FAM53B: variants seen among roughly 807,000 people sequenced by gnomAD.
FAM53B encodes the protein protein FAM53B.
In FAM53B, 12 loss-of-function variants were observed where a neutral mutation model predicts 32.7. The observed-to-expected ratio is 0.37, with a 90% CI of 0.24 to 0.59. The LOEUF is 0.59. Ranked by LOEUF, FAM53B falls within the 20% of genes least tolerant of loss-of-function variation. The pLI is 0.72. For synonymous variants in FAM53B, 234 were observed against 228.7 expected (o/e 1.02, Z -0.21); for missense variants, 477 against 577.7 (o/e 0.83, Z 1.79).
intron 1 of FAM53B, among the ~76,000 whole-genome samples, chr10:124,727,788 C>A (rs1054121761): frequency 1.3e-5 from 2 of 152,042 alleles, no homozygotes; most frequent in South Asian, 4.2e-4. Flanking sequence ...CCACCGTGGA[C>A]GGCTCTGGCT....
rs556533825 is a variant in FAM53B, at chr10:124,620,809, T to C, written c.*2433A>G. 6.6e-5 allele frequency: 10 copies of C among 152,524 alleles called. No homozygotes were observed. The highest frequency in any genetic ancestry group is 3.3e-4 in the Admixed American group (5 of 15,310). The allele number at this position is 152,524 out of a possible 1,614,324, so 9.4% of individuals were successfully genotyped here. On this transcript the variant is annotated 3_prime_UTR_variant, in exon 5 of 5. Transcript: ENST00000337318. ...TCTAAGCAGAAGGGATAGCCACCAT[T>C]TTCTCCCCTGACTGCTGCGTGGTGG... is the stretch of plus-strand genomic sequence containing the variant.
At chr10:124,629,959 C>T (rs1407762279) in intron 4 of FAM53B, among the ~76,000 whole-genome samples, 2 of 152,192 alleles carry the variant, frequency 1.3e-5, no homozygotes, top group African/African-American at 4.8e-5. Flanking sequence ...AGAGATGCCT[C>T]GAAGGCTGTG....
At chr10:124,644,826 G>A (rs935841313) in intron 4 of FAM53B, among the ~76,000 whole-genome samples, 4 of 152,230 alleles carry the variant, frequency 2.6e-5, no homozygotes, top group Non-Finnish European at 2.9e-5. Flanking sequence ...TGCTCTGACA[G>A]GTAGGCTGGG....
intron 1 of FAM53B, among the ~76,000 whole-genome samples, chr10:124,738,241 C>G (rs1439626104): frequency 6.6e-6 from 1 of 152,154 alleles, no homozygotes; most frequent in Non-Finnish European, 1.5e-5. Flanking sequence ...GCCCTCACTC[C>G]TCAGTCTTGG....
intron 4 of FAM53B, among the ~76,000 whole-genome samples, chr10:124,652,270 AG>A (rs994124712): frequency 1.3e-5 from 2 of 152,196 alleles, no homozygotes; most frequent in African/African-American, 4.8e-5. Flanking sequence ...AGGACTAGCC[AG>A]GGTCTTACCA....
intron 4 of FAM53B, among the ~76,000 whole-genome samples, chr10:124,673,409 G>C (rs1343279069): frequency 6.6e-6 from 1 of 152,164 alleles, no homozygotes; most frequent in Non-Finnish European, 1.5e-5. Flanking sequence ...ATGAGAACTT[G>C]CCTCGGAAAC....
chr10:124,667,552 C>T (rs1036110519), intron 4 of FAM53B: 11 of 681,046 alleles, frequency 1.6e-5, no homozygotes, highest in African/African-American at 1.1e-4. Context: ...TGAGCCTCCA[C>T]ATCCACAGGG....
At chr10:124,678,953 T>A (rs1949752771) in intron 4 of FAM53B, among the ~76,000 whole-genome samples, 1 of 152,204 alleles carries the variant, frequency 6.6e-6, no homozygotes, top group Admixed American at 6.5e-5. Context: ...CTTTTCAGAA[T>A]GGCCAGCTGC....
chr10:124,646,124 C>T (rs978096939), intron 4 of FAM53B, among the ~76,000 whole-genome samples: 2 of 152,204 alleles, frequency 1.3e-5, no homozygotes, highest in Non-Finnish European at 2.9e-5. Context: ...CTTGTCATGA[C>T]TGCGGGAGGG....
chr10:124,640,041 G>A (rs957832767), intron 4 of FAM53B, among the ~76,000 whole-genome samples: 3 of 152,190 alleles, frequency 2.0e-5, no homozygotes, highest in African/African-American at 7.2e-5. Context: ...CAGGATGGCA[G>A]AAAATCACTT....
chr10:124,699,620 G>A (rs567408167), intron 2 of FAM53B, among the ~76,000 whole-genome samples: 5 of 152,212 alleles, frequency 3.3e-5, no homozygotes, highest in South Asian at 2.1e-4. Context: ...CCAGTGGTGC[G>A]GCCCCCTTCT....
chr10:124,644,218 T>TG (rs1949496649), intron 4 of FAM53B, among the ~76,000 whole-genome samples: 1 of 152,064 alleles, frequency 6.6e-6, no homozygotes, highest in African/African-American at 2.4e-5. Context: ...CTGCCTCAAT[T>TG]GGAAAATGCT....
intron 4 of FAM53B, among the ~76,000 whole-genome samples, chr10:124,680,280 C>A (rs1949761229): frequency 6.6e-6 from 1 of 152,216 alleles, no homozygotes; most frequent in South Asian, 2.1e-4. Flanking sequence ...CCCACTGACA[C>A]AGGGGAGGCA....
intron 1 of FAM53B, chr10:124,708,118 G>T (rs1949974052): frequency 6.6e-6 from 1 of 152,202 alleles, no homozygotes; most frequent in Non-Finnish European, 1.5e-5. Context: ...AAATAATCAT[G>T]ATAACAGTAT....
At chr10:124,641,826 A>ACAGC (rs1949476583) in intron 4 of FAM53B, among the ~76,000 whole-genome samples, 1 of 152,204 alleles carries the variant, frequency 6.6e-6, no homozygotes, top group Admixed American at 6.5e-5. Context: ...AGGTCCCATG[A>ACAGC]ACTAGATCCT....
chr10:124,681,848 C>T lies in FAM53B; in HGVS notation c.665G>A (p.Arg222Gln), dbSNP rs935626963. The change falls in exon 4 of 5, where the codon CGG becomes CAG. Residue 222 changes from arginine (R) to glutamine (Q), a missense_variant. By Grantham distance (43) the Arg-to-Gln change is conservative. This residue lies in a region of FAM53B where 312 missense variants were observed against 420.2 expected (regional missense o/e 0.74). Transcript: ENST00000337318. ...SPDLHPVGGG[R>Q]LDLQRSLSCS... ...AGAGAGGGACCGCTGCAGGTCCAGC[C>T]GGCCTCCTCCCACGGGGTGCAGGTC... The T allele has an allele frequency of 1.7e-5, 28 of 1,612,338 alleles. No individual in the cohort carries two copies. The highest frequency in any genetic ancestry group is 2.2e-5 in the South Asian group (2 of 90,832).
At chr10:124,666,295 C>CG (rs1564872061) in intron 4 of FAM53B, among the ~76,000 whole-genome samples, 1 of 152,248 alleles carries the variant, frequency 6.6e-6, no homozygotes, top group East Asian at 1.9e-4. Context: ...CTGGAACCTT[C>CG]GGCTTGGTCC....
At chr10:124,677,290 A>G (rs1419295959) in intron 4 of FAM53B, among the ~76,000 whole-genome samples, 2 of 152,200 alleles carry the variant, frequency 1.3e-5, no homozygotes, top group East Asian at 3.9e-4. Flanking sequence ...CTGCTAATAA[A>G]CAACTCACAC....
At chr10:124,687,274 A>C (rs1413775910) in intron 3 of FAM53B, among the ~76,000 whole-genome samples, 1 of 152,148 alleles carries the variant, frequency 6.6e-6, no homozygotes, top group Non-Finnish European at 1.5e-5. Context: ...AGAAGAGGAT[A>C]CAGGGTGCCC....
Sources: allele counts gnomAD v4.1 joint callset (sites outside exome capture counted in the v4.1 genomes callset), GRCh38; gene constraint gnomAD v4.1.1; regional missense constraint gnomAD v4.1.1; transcripts MANE v1.5; gene names NCBI Gene and HGNC (gene_info 2026-07-23, HGNC 2026-07-21).